NGEF: variants seen among roughly 807,000 people sequenced by gnomAD.
NGEF encodes ephexin-1.
NGEF carries 31 observed loss-of-function variants against 80.9 expected under a neutral mutation model. The observed-to-expected ratio is 0.38, with a 90% CI of 0.29 to 0.52. The LOEUF (loss-of-function observed/expected upper bound fraction) is 0.52, where lower values mean the gene tolerates loss of function less well. Among genes scored for constraint, NGEF ranks in the 20% least tolerant of loss-of-function variants. NGEF has a pLI of 0.84. For missense variants in NGEF, 709 were observed against 926.2 expected (o/e 0.77, Z 3.04); for synonymous variants, 371 against 370.2 (o/e 1.00, Z -0.03).
At chr2:232,979,562 G>C (rs1280347618) in intron 1 of NGEF, among the ~76,000 whole-genome samples, 4 of 152,156 alleles carry the variant, frequency 2.6e-5, no homozygotes, top group African/African-American at 9.7e-5. Context: ...CCAATCTTCT[G>C]ATGTTCCCTT....
chr2:232,900,879 C>T (rs1217433826), intron 5 of NGEF, among the ~76,000 whole-genome samples: 1 of 152,216 alleles, frequency 6.6e-6, no homozygotes. Flanking sequence ...GACCTGAAGC[C>T]AGGTGAGCAG....
At chr2:233,007,068 A>C (rs898774132) in intron 1 of NGEF, among the ~76,000 whole-genome samples, 1 of 151,708 alleles carries the variant, frequency 6.6e-6, no homozygotes, top group Admixed American at 6.6e-5. Context: ...ACATGGAGAA[A>C]CCCCATTTCT....
intron 3 of NGEF, chr2:232,927,805 G>T: frequency 3.6e-6 from 3 of 842,144 alleles, no homozygotes; most frequent in Non-Finnish European, 4.7e-6. Flanking sequence ...GATAGGCCGC[G>T]CAGGGGGTGC....
At chr2:232,973,397 A>G (rs1387332681) in intron 2 of NGEF, among the ~76,000 whole-genome samples, 1 of 152,212 alleles carries the variant, frequency 6.6e-6, no homozygotes, top group East Asian at 1.9e-4. Flanking sequence ...GTGGATGGCA[A>G]CAGCCACAGA....
chr2:232,886,317 G>A (rs188031606), intron 9 of NGEF, among the ~76,000 whole-genome samples: 1 of 151,620 alleles, frequency 6.6e-6, no homozygotes, highest in African/African-American at 2.4e-5. Flanking sequence ...TGTGGTATGT[G>A]CTGTGTGTGT....
At chr2:233,009,409 G>C (rs1435607174) in intron 1 of NGEF, among the ~76,000 whole-genome samples, 1 of 151,988 alleles carries the variant, frequency 6.6e-6, no homozygotes, top group African/African-American at 2.4e-5. Flanking sequence ...GCCCAGGCTG[G>C]ATCTGAATTT....
intron 5 of NGEF, among the ~76,000 whole-genome samples, chr2:232,915,251 AAATCATTCATCTGTTTTTTCT>A (rs925331936): frequency 3.3e-5 from 5 of 152,010 alleles, no homozygotes; most frequent in African/African-American, 1.2e-4. Flanking sequence ...TTTTCCTAGA[AAATCATTCATCTGTTTTTTCT>A]AATCATTCAT....
intron 9 of NGEF, among the ~76,000 whole-genome samples, chr2:232,886,472 C>T (rs1028116912): frequency 1.3e-5 from 2 of 152,130 alleles, no homozygotes; most frequent in African/African-American, 4.8e-5. Flanking sequence ...TGTGCACAGG[C>T]GTCTGTTTAG....
At chr2:232,944,667 A>G (rs867857324) in intron 3 of NGEF, among the ~76,000 whole-genome samples, 2 of 150,236 alleles carry the variant, frequency 1.3e-5, no homozygotes, top group Non-Finnish European at 1.5e-5. Context: ...GAAAGAAAAA[A>G]AGAGAAATTA....
chr2:232,969,521 AT>A (rs1694143061), intron 3 of NGEF, among the ~76,000 whole-genome samples: 1 of 135,508 alleles, frequency 7.4e-6, no homozygotes, highest in Admixed American at 7.7e-5. Context: ...TGCTTCCTTC[AT>A]TTTTTTGAGA....
At chr2:232,941,049 G>A (rs961097927) in intron 3 of NGEF, among the ~76,000 whole-genome samples, 16 of 151,730 alleles carry the variant, frequency 1.1e-4, no homozygotes, top group East Asian at 3.9e-4. Flanking sequence ...AGCATTCAGG[G>A]AGCAGAGTTT....
At chr2:232,906,858 G>T (rs1018501471) in intron 5 of NGEF, among the ~76,000 whole-genome samples, 2 of 151,678 alleles carry the variant, frequency 1.3e-5, no homozygotes, top group African/African-American at 4.9e-5. Context: ...TCTGCCTTGG[G>T]ATCCTGTTGA....
At chr2:232,926,237 C>T (rs1457735540) in intron 4 of NGEF, among the ~76,000 whole-genome samples, 3 of 152,028 alleles carry the variant, frequency 2.0e-5, no homozygotes, top group African/African-American at 7.2e-5. Context: ...CAATGAAGAA[C>T]GAAAAGACTT....
At position 232,878,831 on chromosome 2, in the gene NGEF, G is replaced by C. The variant is rs766945281; in HGVS notation, c.*658C>G. The C allele has an allele frequency of 6.6e-6, 1 of 152,640 alleles. No individual in the cohort carries two copies. The highest frequency in any genetic ancestry group is 1.5e-5 in the Non-Finnish European group (1 of 68,072). 9.5% of individuals were successfully genotyped at this position (152,640 alleles called of 1,614,324 possible). On this transcript the variant is annotated 3_prime_UTR_variant, in exon 15 of 15. Coordinates refer to ENST00000264051, the MANE Select transcript of NGEF (RefSeq NM_019850.3). ...ACCTGGGCTCCTTAAGGGGCTAGAA[G>C]ACACAAGTTACATCCAGCCCATCAG...
chr2:232,958,479 T>C (rs530092623), intron 3 of NGEF, among the ~76,000 whole-genome samples: 1 of 152,202 alleles, frequency 6.6e-6, no homozygotes, highest in Non-Finnish European at 1.5e-5. Flanking sequence ...CATTTACTCA[T>C]TCATCAATCA....
chr2:232,933,153 G>T (rs1693253258), intron 3 of NGEF, among the ~76,000 whole-genome samples: 2 of 120,190 alleles, frequency 1.7e-5, no homozygotes, highest in South Asian at 2.7e-4. Context: ...TAAATAAATG[G>T]CACTAAACCC....
In NGEF at chr2:233,013,218, A is replaced by G; in HGVS notation, c.-225T>C. 1 of 470,782 alleles carries G rather than the reference A, an allele frequency of 2.1e-6. No homozygotes were observed. The highest frequency in any genetic ancestry group is 4.4e-6 in the Non-Finnish European group (1 of 226,982). 29.2% of individuals were successfully genotyped at this position (470,782 alleles called of 1,614,324 possible). ...TGTCCCAGAGAGCCCACAGCCAAAA[A>G]CTTCGTCCTGTCCTGGAAAAGCTTC... On this transcript the variant is annotated 5_prime_UTR_variant, in exon 1 of 15. Transcript: ENST00000264051.
chr2:232,942,792 C>CAAAAAAAAAAAAAA (rs35882284), intron 3 of NGEF, among the ~76,000 whole-genome samples: 1 of 120,644 alleles, frequency 8.3e-6, no homozygotes, highest in African/African-American at 2.9e-5. Context: ...GACTCCGTCT[C>CAAAAAAAAAAAAAA]AAAAAAAAAA....
intron 5 of NGEF, among the ~76,000 whole-genome samples, chr2:232,903,661 A>G (rs1271838735): frequency 6.6e-6 from 1 of 152,242 alleles, no homozygotes; most frequent in African/African-American, 2.4e-5. Flanking sequence ...TCTAACGCCT[A>G]GCTGACGTTT....
Sources: allele counts gnomAD v4.1 joint callset (sites outside exome capture counted in the v4.1 genomes callset), GRCh38; gene constraint gnomAD v4.1.1; transcripts MANE v1.5; gene names NCBI Gene and HGNC (gene_info 2026-07-23, HGNC 2026-07-21).